PUDP: variants seen among roughly 807,000 people sequenced by gnomAD.
PUDP encodes pseudouridine 5'-phosphatase, also known as pseudouridine-5'-phosphatase.
A neutral mutation model predicts 9.4 loss-of-function variants in PUDP; 8 were observed. That is an observed-to-expected ratio of 0.85 (90% confidence interval 0.50 to 1.53). PUDP has a LOEUF of 1.53. PUDP is among the 40% of genes most tolerant of loss of function. The pLI, the probability that PUDP is intolerant of heterozygous loss-of-function variation, is 0.00. For synonymous variants in PUDP, 99 were observed against 80.7 expected, an observed-to-expected ratio of 1.23 and a Z score of -1.22; for missense variants, 188 against 189.7, an observed-to-expected ratio of 0.99 and a Z score of 0.05.
chrX:6,911,336 G>A (rs1927846757), intron 3 of PUDP, among the ~76,000 whole-genome samples: 1 of 109,510 alleles, frequency 9.1e-6, no homozygotes, highest in African/African-American at 3.3e-5. Context: ...TGGGATTACA[G>A]GCACATACCA....
chrX:7,093,789 CAGG>C (rs1242057335), intron 2 of PUDP, among the ~76,000 whole-genome samples: 2 of 111,894 alleles, frequency 1.8e-5, no homozygotes, highest in Non-Finnish European at 3.8e-5. Flanking sequence ...TAGAAATCCA[CAGG>C]AGAACCACCA....
chrX:6,800,166 G>A (rs775285698), intron 3 of PUDP, among the ~76,000 whole-genome samples: 3 of 111,761 alleles, frequency 2.7e-5, no homozygotes, highest in Non-Finnish European at 3.8e-5. Context: ...AATTGACATC[G>A]CCAGATAATG....
chrX:6,945,020 G>C (rs907624651), intron 3 of PUDP, among the ~76,000 whole-genome samples: 1 of 112,078 alleles, frequency 8.9e-6, no homozygotes, highest in Non-Finnish European at 1.9e-5. Flanking sequence ...TGGCCTCCAT[G>C]TATTAACTTA....
chrX:6,977,523 A>G (rs867892191), intron 2 of PUDP, among the ~76,000 whole-genome samples: 1 of 112,181 alleles, frequency 8.9e-6, no homozygotes, highest in Middle Eastern at 4.6e-3. Flanking sequence ...CCATGGAACA[A>G]ATTATTATTT....
intron 3 of PUDP, among the ~76,000 whole-genome samples, chrX:6,751,738 C>G (rs999924105): frequency 1.7e-4 from 19 of 111,392 alleles, no homozygotes; most frequent in African/African-American, 5.2e-4. Context: ...CTCAGAAATC[C>G]TCATATTTGT....
chrX:7,131,548 G>A (rs1173041907), intron 1 of PUDP, among the ~76,000 whole-genome samples: 3 of 109,797 alleles, frequency 2.7e-5, no homozygotes, highest in East Asian at 2.9e-4. Flanking sequence ...AAGGAAAAAC[G>A]CAGCCCTGCT....
intron 3 of PUDP, among the ~76,000 whole-genome samples, chrX:6,851,898 C>T (rs1389277806): frequency 8.9e-6 from 1 of 112,085 alleles, no homozygotes; most frequent in Non-Finnish European, 1.9e-5. Flanking sequence ...TCCCCAGAAA[C>T]CTTTTCCAAG....
At chrX:7,019,598 A>G (rs1261371331) in intron 1 of PUDP, among the ~76,000 whole-genome samples, 2 of 111,597 alleles carry the variant, frequency 1.8e-5, no homozygotes, top group Non-Finnish European at 3.8e-5. Flanking sequence ...GCTACCCAGG[A>G]GGTTTCATCT....
At chrX:6,870,104 CAT>C (rs965301874) in intron 3 of PUDP, among the ~76,000 whole-genome samples, 2 of 111,307 alleles carry the variant, frequency 1.8e-5, no homozygotes, top group South Asian at 3.8e-4. Flanking sequence ...AATTCTGACA[CAT>C]GTTACAACCT....
chrX:7,032,759 A>C (rs1269215237), intron 1 of PUDP, among the ~76,000 whole-genome samples: 2 of 111,980 alleles, frequency 1.8e-5, no homozygotes, highest in African/African-American at 6.5e-5. Flanking sequence ...GAAATATTCT[A>C]TATCTTTATT....
At chrX:6,916,632 G>A (rs763938635) in intron 3 of PUDP, among the ~76,000 whole-genome samples, 28 of 111,488 alleles carry the variant, frequency 2.5e-4, no homozygotes, top group Non-Finnish European at 4.0e-4. Flanking sequence ...TCATGGGACC[G>A]TAAGGTCAAT....
At chrX:6,711,630 G>A (rs1313398459) in intron 1 of PUDP, among the ~76,000 whole-genome samples, 2 of 111,836 alleles carry the variant, frequency 1.8e-5, no homozygotes, top group Non-Finnish European at 3.8e-5. Context: ...CAGGAGGGCA[G>A]GAGAAGGTGA....
At chrX:7,072,580 G>A (rs993224179) in intron 3 of PUDP, among the ~76,000 whole-genome samples, 3 of 110,840 alleles carry the variant, frequency 2.7e-5, no homozygotes, top group African/African-American at 9.9e-5. Context: ...TTGGGAGGCC[G>A]AGGTGGGCAG....
chrX:6,853,894 G>T (rs773387896), intron 3 of PUDP, among the ~76,000 whole-genome samples: 1 of 110,914 alleles, frequency 9.0e-6, no homozygotes, highest in Non-Finnish European at 1.9e-5. Context: ...CTCCCAAGTG[G>T]CTGGGACTAC....
chrX:7,095,014 G>A (rs750721325), intron 2 of PUDP, among the ~76,000 whole-genome samples: 5 of 111,897 alleles, frequency 4.5e-5, no homozygotes, highest in Non-Finnish European at 7.5e-5. Context: ...GGAGCTGGAC[G>A]AGGCAGAGTC....
At chrX:6,947,300 A>G (rs1928483042) in intron 3 of PUDP, among the ~76,000 whole-genome samples, 1 of 111,308 alleles carries the variant, frequency 9.0e-6, no homozygotes, top group Non-Finnish European at 1.9e-5. Flanking sequence ...GGCATGAGTC[A>G]CTGCACCCGG....
intron 3 of PUDP, among the ~76,000 whole-genome samples, chrX:6,899,409 T>C (rs1927639485): frequency 8.9e-6 from 1 of 111,764 alleles, no homozygotes; most frequent in Non-Finnish European, 1.9e-5. Context: ...GGCAAAACCC[T>C]GTGTCTACAA....
At chrX:6,956,574 C>T (rs778570750) in intron 3 of PUDP, among the ~76,000 whole-genome samples, 17 of 111,117 alleles carry the variant, frequency 1.5e-4, no homozygotes, top group African/African-American at 5.6e-4. Flanking sequence ...AGGTGGTGAC[C>T]CTGTTTGCAG....
chrX:7,075,695 A>T (rs1343541865), intron 3 of PUDP, among the ~76,000 whole-genome samples: 2 of 111,334 alleles, frequency 1.8e-5, no homozygotes, highest in African/African-American at 6.5e-5. Context: ...TGGTGAGCAC[A>T]TGGAGGTGCT....
Sources: allele counts gnomAD v4.1 joint callset (sites outside exome capture counted in the v4.1 genomes callset), GRCh38; gene constraint gnomAD v4.1.1; transcripts MANE v1.5; gene names NCBI Gene and HGNC (gene_info 2026-07-23, HGNC 2026-07-21).